The following HECW2 variants were observed in gnomAD, a reference collection of about 807,000 sequenced individuals.
HECW2 encodes the protein HECT, C2 and WW domain containing E3 ubiquitin protein ligase 2.
Under a neutral mutation model 175.2 loss-of-function variants are expected in HECW2, and 61 were observed. The ratio of observed to expected loss-of-function variants is 0.35; its 90% CI spans 0.28 to 0.43. The LOEUF is 0.43. Ranked by LOEUF, HECW2 falls within the 20% of genes least tolerant of loss-of-function variation. The probability of loss-of-function intolerance (pLI) is 1.00; values close to 1 mark genes in which losing one functional copy is unlikely to be tolerated. For synonymous variants in HECW2, 671 were observed against 731.0 expected (o/e 0.92, Z 1.32); for missense variants, 1,524 against 2,000.5 (o/e 0.76, Z 4.54).
At position 196,319,768 on chromosome 2, in the gene HECW2, C is replaced by A; in HGVS notation, c.1122G>T (p.Glu374Asp). Reference sequence around the variant, plus strand: ...TGGGGGTTCCATCGGCAGCACTGTCCTCAGAAACTGGCCCATTAGAGCACA... The same window carrying A: ...TGGGGGTTCCATCGGCAGCACTGTCATCAGAAACTGGCCCATTAGAGCACA... ...SQVCSNGPVS[E>D]DSAADGTPKH... is the part of the protein sequence containing the mutation. The change falls in exon 9 of 29, where the codon GAG becomes GAT. Residue 374 changes from glutamate (E) to aspartate (D), a missense_variant. Physicochemically the swap from Glu to Asp is conservative, Grantham distance 45. Around this residue, in one of 11 missense-constraint regions of HECW2, gnomAD observed 604 missense variants for 588.3 expected, o/e 1.03. Coordinates refer to ENST00000644978, the MANE Select transcript of HECW2 (RefSeq NM_001348768.2). 1 of 1,614,156 alleles carries A rather than the reference C, an allele frequency of 6.2e-7. No individual in the cohort carries two copies. The highest frequency in any genetic ancestry group is 1.1e-5 in the South Asian group (1 of 91,078).
intron 13 of HECW2, among the ~76,000 whole-genome samples, chr2:196,302,551 T>C (rs2105690583): frequency 6.6e-6 from 1 of 152,388 alleles, no homozygotes; most frequent in East Asian, 1.9e-4. Context: ...TCCATGAGGA[T>C]GGAATGTTTT....
At chr2:196,505,082 G>A (rs1238015930) in intron 1 of HECW2, among the ~76,000 whole-genome samples, 1 of 152,132 alleles carries the variant, frequency 6.6e-6, no homozygotes, top group Non-Finnish European at 1.5e-5. Flanking sequence ...AGTCAACAGA[G>A]ACATCAGCTC....
chr2:196,202,173 A>G (rs1340664397), intron 28 of HECW2, among the ~76,000 whole-genome samples: 2 of 152,174 alleles, frequency 1.3e-5, no homozygotes, highest in Middle Eastern at 3.2e-3. Flanking sequence ...GAAACATTCT[A>G]TTCTGAATGT....
At chr2:196,528,834 C>G (rs1157924506) in intron 1 of HECW2, among the ~76,000 whole-genome samples, 5 of 152,224 alleles carry the variant, frequency 3.3e-5, no homozygotes, top group South Asian at 2.1e-4. Flanking sequence ...CATTCAAAGA[C>G]TTGGGTAACC....
chr2:196,514,461 C>G (rs13424197), intron 1 of HECW2, among the ~76,000 whole-genome samples: 52,744 of 152,068 alleles, frequency 0.35, 12,547 homozygotes, highest in African/African-American at 0.68. Context: ...CTCCTGGGTG[C>G]AAAGGGGTGG....
chr2:196,338,084 C>A (rs999439880), intron 3 of HECW2, among the ~76,000 whole-genome samples: 1 of 152,142 alleles, frequency 6.6e-6, no homozygotes, highest in Non-Finnish European at 1.5e-5. Flanking sequence ...CATGCCTGCT[C>A]CCCTCTACCA....
intron 1 of HECW2, among the ~76,000 whole-genome samples, chr2:196,472,629 CT>C (rs1176182538): frequency 6.8e-6 from 1 of 146,362 alleles, no homozygotes; most frequent in Admixed American, 6.8e-5. Context: ...TTTTCTTTTT[CT>C]TTTTTTTTGA....
chr2:196,519,735 A>G (rs897039124), intron 1 of HECW2, among the ~76,000 whole-genome samples: 10 of 152,216 alleles, frequency 6.6e-5, no homozygotes, highest in Non-Finnish European at 8.8e-5. Flanking sequence ...GGGAAAAATT[A>G]ATGTTTAAGC....
intron 1 of HECW2, among the ~76,000 whole-genome samples, chr2:196,441,067 C>T (rs958545633): frequency 3.9e-5 from 6 of 152,194 alleles, no homozygotes; most frequent in African/African-American, 1.4e-4. Flanking sequence ...CCATAGTATA[C>T]AACTTCAATT....
intron 1 of HECW2, among the ~76,000 whole-genome samples, chr2:196,539,572 T>C (rs1689141314): frequency 6.6e-6 from 1 of 152,074 alleles, no homozygotes; most frequent in African/African-American, 2.4e-5. Context: ...GAGGCGGAGC[T>C]TGCAGTGAGC....
chr2:196,417,879 C>T (rs1272567035), intron 2 of HECW2, among the ~76,000 whole-genome samples: 1 of 152,064 alleles, frequency 6.6e-6, no homozygotes, highest in Admixed American at 6.5e-5. Context: ...GAATGCTTTA[C>T]AATGTCAAAA....
intron 3 of HECW2, among the ~76,000 whole-genome samples, chr2:196,334,991 C>T (rs1692499408): frequency 6.6e-6 from 1 of 152,162 alleles, no homozygotes; most frequent in African/African-American, 2.4e-5. Context: ...AAAGCCTTCA[C>T]TCATAACCTC....
At chr2:196,530,150 G>C (rs1271455162) in intron 1 of HECW2, among the ~76,000 whole-genome samples, 1 of 152,130 alleles carries the variant, frequency 6.6e-6, no homozygotes, top group Non-Finnish European at 1.5e-5. Context: ...CTCTTTAAAG[G>C]GTGCATGTGC....
Position 196,475,967 on chromosome 2 carries a change from G to A in HECW2, c.-35-42509C>T, listed in dbSNP as rs545158993. Among the ~76,000 whole-genome samples the A allele has an allele frequency of 4.6e-5, 7 of 152,226 alleles. No homozygotes were observed. In the East Asian group the frequency reaches 1.3e-3, roughly 29 times the overall value. On this transcript the variant is annotated intron_variant, in intron 1 of 28. Transcript: ENST00000644978. ...TCCTCTTGCACATTTTTCCAGCCTC[G>A]GACCCGCTGTGCCTCACCATGTTCA... is the stretch of plus-strand genomic sequence containing the variant.
chr2:196,452,598 G>A (rs1696379966), intron 1 of HECW2, among the ~76,000 whole-genome samples: 1 of 152,116 alleles, frequency 6.6e-6, no homozygotes, highest in Admixed American at 6.5e-5. Context: ...ATGTGATCCA[G>A]TGCAAAGCCA....
Position 196,242,183 on chromosome 2 carries a change from C to T in HECW2, c.3551G>A (p.Arg1184Gln), listed in dbSNP as rs779208671. The T allele has an allele frequency of 1.2e-6, 2 of 1,614,164 alleles. No homozygotes were observed. The highest frequency in any genetic ancestry group is 1.7e-6 in the Non-Finnish European group (2 of 1,180,020). Residue 1184 changes from arginine (R) to glutamine (Q), a missense_variant, in exon 20 of 29, where the codon CGG (arginine) becomes CAG (glutamine). By Grantham distance (43) the Arg-to-Gln change is conservative (BLOSUM62 1). Coordinates refer to ENST00000644978, the MANE Select transcript of HECW2 (RefSeq NM_001348768.2). ...NSPGTQRANARAPAPYKRDFE... is the reference protein window; with the variant it reads ...NSPGTQRANAQAPAPYKRDFE... Reference sequence around the variant, plus strand: ...ATCCCGCTTGTAAGGGGCTGGAGCCCGGGCATTGGCACGCTGGGTACCTGC... The same window carrying T: ...ATCCCGCTTGTAAGGGGCTGGAGCCTGGGCATTGGCACGCTGGGTACCTGC...
At chr2:196,501,718 G>C (rs1301725797) in intron 1 of HECW2, among the ~76,000 whole-genome samples, 1 of 151,964 alleles carries the variant, frequency 6.6e-6, no homozygotes, top group African/African-American at 2.4e-5. Context: ...AAACCTACAA[G>C]TACTGTCATA....
chr2:196,255,092 C>T (rs141263142), intron 18 of HECW2, among the ~76,000 whole-genome samples: 365 of 150,450 alleles, frequency 2.4e-3, no homozygotes, highest in African/African-American at 8.4e-3. Context: ...CCTGCCTCAG[C>T]CTCTTGAGTA....
intron 3 of HECW2, among the ~76,000 whole-genome samples, chr2:196,340,465 T>C (rs1692705782): frequency 6.6e-6 from 1 of 151,808 alleles, no homozygotes; most frequent in African/African-American, 2.4e-5. Context: ...GGCATGGTGA[T>C]GCATACCTGT....
Sources: gnomAD v4.1 joint callset for allele counts (sites outside exome capture counted in the v4.1 genomes callset) on GRCh38, gnomAD v4.1.1 for gene constraint, gnomAD v4.1.1 regional missense constraint, MANE v1.5 for transcripts, NCBI Gene and HGNC (gene_info 2026-07-23, HGNC 2026-07-21) for gene names.